Variants in BACH2 observed in about 807,000 individuals in gnomAD.
BACH2 encodes the protein BACH transcriptional regulator 2, also known as transcription regulator protein BACH2.
Under a neutral mutation model 61.8 loss-of-function variants are expected in BACH2, and 5 were observed. The ratio of observed to expected loss-of-function variants is 0.08; its 90% CI spans 0.04 to 0.17. BACH2 has a LOEUF of 0.17. Ranked by LOEUF, BACH2 falls within the 10% of genes least tolerant of loss-of-function variation. The pLI, the probability that BACH2 is intolerant of heterozygous loss-of-function variation, is 1.00. For synonymous variants in BACH2, 446 were observed against 440.1 expected (o/e 1.01, Z -0.17); for missense variants, 824 against 1,091.1 (o/e 0.76, Z 3.45).
chr6:90,096,794 T>C (rs552957810), intron 4 of BACH2, among the ~76,000 whole-genome samples: 2 of 152,268 alleles, frequency 1.3e-5, no homozygotes, highest in East Asian at 1.9e-4. Context: ...CCTCCTGACA[T>C]AGCCTCTTCT....
At chr6:90,029,283 T>A (rs569879873) in intron 5 of BACH2, among the ~76,000 whole-genome samples, 2 of 152,166 alleles carry the variant, frequency 1.3e-5, no homozygotes, top group Admixed American at 1.3e-4. Flanking sequence ...ACGAGGGGAC[T>A]TGGGCAATTT....
At chr6:90,235,565 A>AG (rs1413177323) in intron 3 of BACH2, among the ~76,000 whole-genome samples, 1 of 152,246 alleles carries the variant, frequency 6.6e-6, no homozygotes, top group East Asian at 1.9e-4. Flanking sequence ...ACAAGCCTGT[A>AG]GTTCCCAGCT....
At chr6:90,003,465 C>G (rs1487925199) in intron 6 of BACH2, among the ~76,000 whole-genome samples, 1 of 152,126 alleles carries the variant, frequency 6.6e-6, no homozygotes, top group Admixed American at 6.5e-5. Context: ...TTTTATTTTC[C>G]TCAATGGCAT....
At chr6:89,983,141 C>A (rs1776048940) in intron 6 of BACH2, among the ~76,000 whole-genome samples, 1 of 152,210 alleles carries the variant, frequency 6.6e-6, no homozygotes, top group South Asian at 2.1e-4. Context: ...AAATCCCCAT[C>A]CTCTGCCTCC....
In BACH2 at chr6:90,140,547, G is replaced by T. The variant is rs905942919; in HGVS notation, c.-161-51438C>A. Among the ~76,000 whole-genome samples, 5 of 152,160 alleles carry T rather than the reference G, an allele frequency of 3.3e-5. 1 individual carries two copies. In the South Asian group the frequency reaches 1.0e-3, roughly 32 times the overall value. Reference sequence around the variant, plus strand: ...ATTTAATGTCATTCACAGGAAAAGGGTAATATACCACATGGTACTACAGAA... The same window carrying T: ...ATTTAATGTCATTCACAGGAAAAGGTTAATATACCACATGGTACTACAGAA... On this transcript the variant is annotated intron_variant, in intron 4 of 8. Transcript: ENST00000257749.
At chr6:90,250,381 C>T (rs920406247) in intron 3 of BACH2, among the ~76,000 whole-genome samples, 6 of 152,132 alleles carry the variant, frequency 3.9e-5, no homozygotes, top group African/African-American at 1.4e-4. Flanking sequence ...CTTCACCCTC[C>T]GAAAGGAGTC....
At chr6:90,128,679 A>G (rs976959873) in intron 4 of BACH2, among the ~76,000 whole-genome samples, 98 of 152,206 alleles carry the variant, frequency 6.4e-4, no homozygotes, top group Non-Finnish European at 1.1e-3. Flanking sequence ...CTAGAACTAG[A>G]AATACCATTT....
intron 5 of BACH2, among the ~76,000 whole-genome samples, chr6:90,039,892 T>C (rs1779446795): frequency 6.6e-6 from 1 of 152,196 alleles, no homozygotes; most frequent in South Asian, 2.1e-4. Flanking sequence ...TTGTTAATAG[T>C]CTTACTATTC....
chr6:90,077,879 T>G (rs1298497379), intron 5 of BACH2, among the ~76,000 whole-genome samples: 2 of 152,162 alleles, frequency 1.3e-5, no homozygotes, highest in Non-Finnish European at 2.9e-5. Flanking sequence ...ATTTGAAGTC[T>G]CAGCATCTAA....
chr6:90,255,123 G>A lies in BACH2; in HGVS notation c.-352-2533C>T, dbSNP rs6908550. 4.7e-3 allele frequency among the ~76,000 whole-genome samples: 722 copies of A among 152,162 alleles called. 2 individuals are homozygous for A. Among genetic ancestry groups the A allele is most frequent in the African/African-American group, 0.017 (685 of 41,496 alleles). Reference sequence around the variant, plus strand: ...ATGATCATTAGAGATGCAAAAAATCGGTACAGGCCTTTCTCCCCTTCTAAC... The same window carrying A: ...ATGATCATTAGAGATGCAAAAAATCAGTACAGGCCTTTCTCCCCTTCTAAC... On this transcript the variant is annotated intron_variant, in intron 2 of 8. Transcript: ENST00000257749.
intron 3 of BACH2, among the ~76,000 whole-genome samples, chr6:90,215,894 A>G (rs1460389747): frequency 6.6e-6 from 1 of 152,114 alleles, no homozygotes; most frequent in African/African-American, 2.4e-5. Context: ...GAAACAGGTC[A>G]CCTTCCTTCC....
chr6:90,016,067 T>C (rs1277149942), intron 5 of BACH2, among the ~76,000 whole-genome samples: 1 of 152,226 alleles, frequency 6.6e-6, no homozygotes, highest in African/African-American at 2.4e-5. Flanking sequence ...TTGTCTCATA[T>C]TAACATGGTC....
intron 3 of BACH2, among the ~76,000 whole-genome samples, chr6:90,245,703 A>C (rs566562835): frequency 2.4e-4 from 37 of 152,372 alleles, no homozygotes; most frequent in African/African-American, 8.2e-4. Flanking sequence ...TGTTCCTGCT[A>C]AGATGAACTT....
intron 3 of BACH2, among the ~76,000 whole-genome samples, chr6:90,246,847 T>C (rs1235565910): frequency 1.3e-5 from 2 of 152,112 alleles, no homozygotes; most frequent in Non-Finnish European, 2.9e-5. Context: ...TTACATAGAA[T>C]TTGATAAGGA....
At chr6:90,257,172 T>C (rs1322500030) in intron 2 of BACH2, among the ~76,000 whole-genome samples, 1 of 152,248 alleles carries the variant, frequency 6.6e-6, no homozygotes, top group African/African-American at 2.4e-5. Flanking sequence ...TTGTGAATCA[T>C]GCTGCAGTGA....
intron 2 of BACH2, among the ~76,000 whole-genome samples, chr6:90,265,081 A>G (rs1380496866): frequency 6.6e-6 from 1 of 152,216 alleles, no homozygotes; most frequent in Admixed American, 6.5e-5. Flanking sequence ...AACTCAAGGC[A>G]TGCTCCATTT....
chr6:90,084,742 A>T (rs939079260), intron 5 of BACH2, among the ~76,000 whole-genome samples: 1 of 151,996 alleles, frequency 6.6e-6, no homozygotes, highest in Non-Finnish European at 1.5e-5. Flanking sequence ...TTTCAGTTAC[A>T]CCTTTTCCTT....
At chr6:90,273,271 T>A (rs1313121127) in intron 1 of BACH2, among the ~76,000 whole-genome samples, 1 of 151,994 alleles carries the variant, frequency 6.6e-6, no homozygotes, top group Non-Finnish European at 1.5e-5. Context: ...GGCAAAAGGA[T>A]CACTCGAGCC....
rs772342406 is a variant in BACH2 at position 89,951,135 on chromosome 6, G to C, written c.971C>G (p.Ala324Gly). The change falls in exon 7 of 9, where the codon GCT (alanine) becomes GGT (glycine). Residue 324 changes from alanine to glycine, a missense_variant. By Grantham distance (60) the Ala-to-Gly change is moderately conservative. Transcript: ENST00000257749. This position sits in a 1 kb window ranked among gnomAD's most constrained non-coding sequence, Gnocchi z 6.4. Reference protein sequence around the residue: ...PSPAPTPTAPAGAACLERSRS... With the variant: ...PSPAPTPTAPGGAACLERSRS... ...GGATCTCTCCAGGCAGGCGGCCCCA[G>C]CTGGGGCCGTGGGGGTAGGGGCAGG... The C allele has an allele frequency of 2.7e-4, 440 of 1,609,552 alleles. 2 individuals are homozygous for C. The highest frequency in any genetic ancestry group is 3.5e-4 in the Non-Finnish European group (412 of 1,178,406).
Sources: allele counts gnomAD v4.1 joint callset (sites outside exome capture counted in the v4.1 genomes callset), GRCh38; gene constraint gnomAD v4.1.1; non-coding constraint Gnocchi (gnomAD v3.1); transcripts MANE v1.5; gene names NCBI Gene and HGNC (gene_info 2026-07-23, HGNC 2026-07-21).